Variants in MOB3B observed in about 807,000 individuals in gnomAD.
The protein encoded by MOB3B is MOB kinase activator 3B.
In MOB3B, 7 loss-of-function variants were observed where a neutral mutation model predicts 18.7. The observed-to-expected ratio is 0.37, with a 90% CI of 0.21 to 0.70. MOB3B has a LOEUF of 0.70. MOB3B is among the 30% of genes least tolerant of loss of function. The pLI is 0.52. For synonymous variants in MOB3B, 111 were observed against 99.9 expected, an observed-to-expected ratio of 1.11 and a Z score of -0.66; for missense variants, 253 against 281.3, an observed-to-expected ratio of 0.90 and a Z score of 0.72.
At chr9:27,502,374 C>T (rs1311787807) in intron 1 of MOB3B, among the ~76,000 whole-genome samples, 1 of 151,868 alleles carries the variant, frequency 6.6e-6, no homozygotes, top group Non-Finnish European at 1.5e-5. Context: ...TTATCTTTCA[C>T]TCTTTCTGTG....
intron 2 of MOB3B, among the ~76,000 whole-genome samples, chr9:27,388,655 CTTA>C (rs1821681265): frequency 6.6e-6 from 1 of 152,118 alleles, no homozygotes; most frequent in African/African-American, 2.4e-5. Context: ...ATGTATCATT[CTTA>C]TTAGGCTCTG....
chr9:27,490,566 C>T (rs924619497), intron 1 of MOB3B, among the ~76,000 whole-genome samples: 2 of 152,116 alleles, frequency 1.3e-5, no homozygotes, highest in Non-Finnish European at 2.9e-5. Context: ...GTGGAAACAG[C>T]ATGTGCAAAG....
chr9:27,345,620 T>C (rs1488049589), intron 3 of MOB3B, among the ~76,000 whole-genome samples: 2 of 152,228 alleles, frequency 1.3e-5, no homozygotes, highest in Non-Finnish European at 2.9e-5. Context: ...GTTACCTGCC[T>C]GACTCTGTTG....
chr9:27,465,951 G>A (rs1464369200), intron 1 of MOB3B, among the ~76,000 whole-genome samples: 1 of 152,182 alleles, frequency 6.6e-6, no homozygotes, highest in Non-Finnish European at 1.5e-5. Context: ...TGATGGGTGG[G>A]GCAGCCATGA....
chr9:27,459,685 TC>T (rs1448776151), intron 1 of MOB3B, among the ~76,000 whole-genome samples: 1 of 151,920 alleles, frequency 6.6e-6, no homozygotes, highest in Non-Finnish European at 1.5e-5. Flanking sequence ...AATGACCAGG[TC>T]TTTTGATCTG....
chr9:27,388,689 C>T (rs898332275), intron 2 of MOB3B, among the ~76,000 whole-genome samples: 2 of 152,172 alleles, frequency 1.3e-5, no homozygotes, highest in Non-Finnish European at 2.9e-5. Context: ...GATGATTCTT[C>T]AAATTTAACC....
intron 2 of MOB3B, among the ~76,000 whole-genome samples, chr9:27,452,792 T>C (rs1182298329): frequency 6.6e-6 from 1 of 152,216 alleles, no homozygotes; most frequent in African/African-American, 2.4e-5. Flanking sequence ...ATAGTTTCTC[T>C]GATATTTGGA....
intron 1 of MOB3B, among the ~76,000 whole-genome samples, chr9:27,519,643 C>T (rs769947453): frequency 6.6e-6 from 1 of 152,084 alleles, no homozygotes; most frequent in African/African-American, 2.4e-5. Flanking sequence ...CTGTAGTTGC[C>T]GCAGGGGAGG....
At chr9:27,402,747 A>G (rs1821902448) in intron 2 of MOB3B, among the ~76,000 whole-genome samples, 1 of 152,208 alleles carries the variant, frequency 6.6e-6, no homozygotes, top group Non-Finnish European at 1.5e-5. Flanking sequence ...ATCAGGGTTC[A>G]CTTGGCCCCG....
intron 1 of MOB3B, among the ~76,000 whole-genome samples, chr9:27,478,687 GAGA>G (rs1307374004): frequency 6.6e-6 from 1 of 152,102 alleles, no homozygotes; most frequent in Admixed American, 6.5e-5. Flanking sequence ...TGAAGTTCTG[GAGA>G]AGGAGTAGGT....
intron 2 of MOB3B, among the ~76,000 whole-genome samples, chr9:27,453,145 A>C: frequency 6.6e-6 from 1 of 152,192 alleles, no homozygotes; most frequent in South Asian, 2.1e-4. Context: ...GTTTTCCAAA[A>C]GATGCTAATG....
chr9:27,372,957 C>T (rs1275901000), intron 2 of MOB3B, among the ~76,000 whole-genome samples: 1 of 152,186 alleles, frequency 6.6e-6, no homozygotes, highest in Non-Finnish European at 1.5e-5. Context: ...TATGGGAACT[C>T]TGTACTATCT....
At chr9:27,450,489 A>G (rs1822766924) in intron 2 of MOB3B, among the ~76,000 whole-genome samples, 1 of 152,206 alleles carries the variant, frequency 6.6e-6, no homozygotes, top group Non-Finnish European at 1.5e-5. Context: ...CAGGCATTTC[A>G]GAGATGATTA....
At chr9:27,353,265 G>A (rs982914120) in intron 3 of MOB3B, among the ~76,000 whole-genome samples, 2 of 152,188 alleles carry the variant, frequency 1.3e-5, no homozygotes, top group African/African-American at 4.8e-5. Context: ...ATCAGAACTT[G>A]CATTTCAGCA....
chr9:27,408,454 G>A (rs529429083), intron 2 of MOB3B, among the ~76,000 whole-genome samples: 1 of 152,160 alleles, frequency 6.6e-6, no homozygotes, highest in Non-Finnish European at 1.5e-5. Context: ...AGCAAAGGGG[G>A]AAATCCATAA....
chr9:27,403,323 A>C (rs920570502), intron 2 of MOB3B, among the ~76,000 whole-genome samples: 2 of 152,216 alleles, frequency 1.3e-5, no homozygotes, highest in Non-Finnish European at 2.9e-5. Context: ...AAGGAGAAAC[A>C]AAGTATGAAA....
intron 2 of MOB3B, among the ~76,000 whole-genome samples, chr9:27,393,655 C>T (rs183944182): frequency 7.7e-4 from 118 of 152,264 alleles, no homozygotes; most frequent in Non-Finnish European, 1.2e-3. Context: ...TCTTTGAGTG[C>T]TTACATGTCA....
intron 1 of MOB3B, among the ~76,000 whole-genome samples, chr9:27,472,342 G>A (rs1819485041): frequency 6.6e-6 from 1 of 151,766 alleles, no homozygotes; most frequent in Admixed American, 6.6e-5. Flanking sequence ...CCAGAGAAGT[G>A]TACTCCTCAA....
At chr9:27,513,512 G>A (rs1820177588) in intron 1 of MOB3B, among the ~76,000 whole-genome samples, 1 of 152,142 alleles carries the variant, frequency 6.6e-6, no homozygotes. Flanking sequence ...GCTGTGCCCT[G>A]CCAGTCCCAA....
Sources: gnomAD v4.1 joint callset for allele counts (sites outside exome capture counted in the v4.1 genomes callset) on GRCh38, gnomAD v4.1.1 for gene constraint, MANE v1.5 for transcripts, NCBI Gene and HGNC (gene_info 2026-07-23, HGNC 2026-07-21) for gene names.